Variants in FMN1 observed in about 807,000 individuals in gnomAD.
FMN1 encodes formin-1.
In FMN1, 110 loss-of-function variants were observed where a neutral mutation model predicts 132.4. That is an observed-to-expected ratio of 0.83 (90% confidence interval 0.71 to 0.97). The LOEUF (loss-of-function observed/expected upper bound fraction) is 0.97. Among genes scored for constraint, FMN1 ranks in the 50% least tolerant of loss-of-function variants. The probability of loss-of-function intolerance (pLI) is 0.00; values close to 1 mark genes in which losing one functional copy is unlikely to be tolerated. For missense variants in FMN1, 1,792 were observed against 1,705.3 expected, an observed-to-expected ratio of 1.05 and a Z score of -0.90; for synonymous variants, 722 against 651.7, an observed-to-expected ratio of 1.11 and a Z score of -1.64.
chr15:32,806,470 A>G (rs1769564783), intron 17 of FMN1, among the ~76,000 whole-genome samples: 1 of 152,248 alleles, frequency 6.6e-6, no homozygotes, highest in African/African-American at 2.4e-5. Context: ...AGGTATTAAT[A>G]CTACATTACC....
chr15:33,166,182 G>A (rs1965099063), intron 3 of FMN1, among the ~76,000 whole-genome samples: 1 of 152,170 alleles, frequency 6.6e-6, no homozygotes, highest in African/African-American at 2.4e-5. Flanking sequence ...GGAGGCTAAA[G>A]GAGACAAGAA....
At chr15:32,792,411 C>T (rs1020863092) in intron 19 of FMN1, among the ~76,000 whole-genome samples, 1 of 151,822 alleles carries the variant, frequency 6.6e-6, no homozygotes, top group Non-Finnish European at 1.5e-5. Flanking sequence ...CGCCACTGCA[C>T]TCCAGCCTGG....
Position 33,154,587 on chromosome 15 carries a change from T to G in FMN1, c.328A>C (p.Ile110Leu), listed in dbSNP as rs890378043. The G allele has an allele frequency of 1.3e-6, 2 of 1,536,094 alleles. No individual in the cohort carries two copies. Among genetic ancestry groups the G allele is most frequent in the Non-Finnish European group, 1.7e-6 (2 of 1,146,888 alleles). The change falls in exon 4 of 21, where the codon ATC (isoleucine) becomes CTC (leucine). Residue 110 changes from isoleucine to leucine, a missense_variant. Physicochemically the swap from Ile to Leu is conservative, Grantham distance 5. This residue lies in a region of FMN1 where 638 missense variants were observed against 645.2 expected (regional missense o/e 0.99). Coordinates refer to ENST00000616417, the MANE Select transcript of FMN1 (RefSeq NM_001277313.2). ...TTCCCCTCCTGGTTCCCCATCGTGA[T>G]CCCCAGGATGTGGTCTGAGCTCAGG... is the stretch of plus-strand genomic sequence containing the variant. ...NLLSSDHILGITMGNQEGKLQ... is the reference protein window; with the variant it reads ...NLLSSDHILGLTMGNQEGKLQ...
At chr15:32,915,974 C>A (rs74475837) in intron 10 of FMN1, among the ~76,000 whole-genome samples, 1,661 of 152,260 alleles carry the variant, frequency 0.011, 30 homozygotes, top group African/African-American at 0.038. Context: ...TTCTGGGCTT[C>A]TTTTTTGCAG....
At chr15:33,101,836 C>T (rs1415930967) in intron 4 of FMN1, among the ~76,000 whole-genome samples, 1 of 152,100 alleles carries the variant, frequency 6.6e-6, no homozygotes, top group Non-Finnish European at 1.5e-5. Flanking sequence ...TTATGCTTGG[C>T]TTTCACATAT....
chr15:32,848,337 CGTGTGTGTGCGTGCACACGT>C (rs1567265856), intron 17 of FMN1, among the ~76,000 whole-genome samples: 1 of 112,704 alleles, frequency 8.9e-6, no homozygotes, highest in Non-Finnish European at 1.9e-5. Flanking sequence ...TGTGTGTGCA[CGTGTGTGTGCGTGCACACGT>C]GTGTGTGTAT....
At chr15:32,879,898 T>TAGCA (rs2059724031) in intron 16 of FMN1, among the ~76,000 whole-genome samples, 1 of 152,092 alleles carries the variant, frequency 6.6e-6, no homozygotes, top group African/African-American at 2.4e-5. Flanking sequence ...TGCACGCAGT[T>TAGCA]TAAAGAATCA....
chr15:33,052,140 A>T (rs1220297716), intron 6 of FMN1, among the ~76,000 whole-genome samples: 1 of 152,222 alleles, frequency 6.6e-6, no homozygotes, highest in East Asian at 1.9e-4. Flanking sequence ...GGAGAGAGCT[A>T]AACCTGATAT....
At chr15:32,945,544 A>C (rs2061491837) in intron 9 of FMN1, among the ~76,000 whole-genome samples, 1 of 152,144 alleles carries the variant, frequency 6.6e-6, no homozygotes, top group African/African-American at 2.4e-5. Flanking sequence ...TTTTCTTTCC[A>C]ACATGTTAGA....
At chr15:33,076,467 T>G (rs1352868961) in intron 5 of FMN1, among the ~76,000 whole-genome samples, 2 of 152,142 alleles carry the variant, frequency 1.3e-5, no homozygotes, top group Non-Finnish European at 2.9e-5. Flanking sequence ...AAGATCCAGG[T>G]ATCATTTCAA....
At position 33,065,060 on chromosome 15, in the gene FMN1, C is replaced by T. The variant is rs567944258; in HGVS notation, c.2058G>A (p.Leu686=). The T allele has an allele frequency of 2.8e-5, 45 of 1,609,670 alleles. No individual in the cohort carries two copies. The East Asian group carries it at 6.7e-4, about 24-fold the overall frequency. The stretch of plus-strand genomic sequence containing the variant: ...CAGGAGTCCTGTCATCCTGCTCAGT[C>T]AGGCTGTGGTCAGGCTGTTGAAAGA... The part of the protein sequence containing the change: ...LYLDLHPDHS[L]TEQDDRTPGR... The change falls in exon 6 of 21, where the codon CTG becomes CTA. Residue 686 remains leucine (L), a synonymous_variant. Transcript: ENST00000616417.
chr15:33,051,480 G>C (rs1350319041), intron 6 of FMN1, among the ~76,000 whole-genome samples: 1 of 122,960 alleles, frequency 8.1e-6, no homozygotes. Flanking sequence ...TCAGGTGATA[G>C]GTGGTTGTGA....
intron 9 of FMN1, among the ~76,000 whole-genome samples, chr15:32,954,769 G>GT (rs35056461): frequency 0.09 from 13,782 of 152,292 alleles, 696 homozygotes; most frequent in African/African-American, 0.14. Context: ...ACTTTGGGAG[G>GT]TCAAGGTGGG....
chr15:33,188,039 A>G (rs1256782505), intron 2 of FMN1, among the ~76,000 whole-genome samples: 2 of 152,126 alleles, frequency 1.3e-5, no homozygotes, highest in African/African-American at 4.8e-5. Context: ...CCCTCTTTTT[A>G]AAAAGTCAAC....
At chr15:32,892,501 A>G (rs1037888049) in intron 15 of FMN1, among the ~76,000 whole-genome samples, 1 of 152,160 alleles carries the variant, frequency 6.6e-6, no homozygotes, top group African/African-American at 2.4e-5. Context: ...TTCAACAAGG[A>G]TATCGGTCTG....
chr15:32,997,634 T>G (rs774960891), intron 7 of FMN1, among the ~76,000 whole-genome samples: 6 of 152,182 alleles, frequency 3.9e-5, no homozygotes, highest in Non-Finnish European at 7.3e-5. Flanking sequence ...GCCAGGATTA[T>G]AAACATCTCC....
intron 8 of FMN1, among the ~76,000 whole-genome samples, chr15:32,965,805 A>G (rs2031164965): frequency 6.6e-6 from 1 of 152,244 alleles, no homozygotes; most frequent in African/African-American, 2.4e-5. Context: ...GTTATAAAGT[A>G]TAACAATAGA....
rs59443692 is a variant in FMN1 at position 33,018,584 on chromosome 15, G to A, written c.2162-10509C>T. Among the ~76,000 whole-genome samples, 1,514 of 152,184 alleles carry A rather than the reference G, an allele frequency of 9.9e-3. 33 individuals carry two copies. Among genetic ancestry groups the A allele is most frequent in the African/African-American group, 0.035 (1,447 of 41,516 alleles). Reference sequence around the variant, plus strand: ...GCCCAAGAAGAAATGTAAGCTCTACGGCCCTTCCCCCGTACCTTGTCCTAT... The same window carrying A: ...GCCCAAGAAGAAATGTAAGCTCTACAGCCCTTCCCCCGTACCTTGTCCTAT... On this transcript the variant is annotated intron_variant, in intron 6 of 20. Transcript: ENST00000616417.
At chr15:33,186,500 AT>A (rs1406047089) in intron 2 of FMN1, among the ~76,000 whole-genome samples, 1 of 151,562 alleles carries the variant, frequency 6.6e-6, no homozygotes, top group Non-Finnish European at 1.5e-5. Context: ...AAAAAAAAAA[AT>A]AAATAAAAGT....
Sources: allele counts gnomAD v4.1 joint callset (sites outside exome capture counted in the v4.1 genomes callset), GRCh38; gene constraint gnomAD v4.1.1; regional missense constraint gnomAD v4.1.1; transcripts MANE v1.5; gene names NCBI Gene and HGNC (gene_info 2026-07-23, HGNC 2026-07-21).